Variants in RBFOX1 observed in about 807,000 individuals in gnomAD.
RBFOX1 encodes the protein RNA binding fox-1 homolog 1, also known as RNA binding protein fox-1 homolog 1.
RBFOX1 carries 8 observed loss-of-function variants against 57.7 expected under a neutral mutation model. That is an observed-to-expected ratio of 0.14 (90% CI 0.08 to 0.25). The LOEUF (loss-of-function observed/expected upper bound fraction) is 0.25. Among genes scored for constraint, RBFOX1 ranks in the 10% least tolerant of loss-of-function variants. The pLI, the probability that RBFOX1 is intolerant of heterozygous loss-of-function variation, is 1.00. For synonymous variants in RBFOX1, 326 were observed against 222.4 expected (o/e 1.47, Z -4.15); for missense variants, 611 against 548.5 (o/e 1.11, Z -1.14).
rs549081519 is a variant in RBFOX1 at position 7,677,161 on chromosome 16, C to T, written c.995+323C>T. Among the ~76,000 whole-genome samples the T allele has an allele frequency of 3.2e-4, 14 of 43,976 alleles. No individual in the cohort carries two copies. The East Asian group carries it at 5.0e-3, about 16-fold the overall frequency. 28.8% of individuals were successfully genotyped at this position (43,976 alleles called of 152,430 possible). A position where few individuals can be genotyped will look rare whatever the true frequency, so the allele number is the denominator to read the frequency against. The stretch of plus-strand genomic sequence containing the variant: ...CACACACACACACACACACACACAC[C>T]GTACAACCTTCTTATGGTCTTCCAC... On this transcript the variant is annotated intron_variant, in intron 14 of 15. Coordinates refer to ENST00000550418, the MANE Select transcript of RBFOX1 (RefSeq NM_018723.4).
intron 3 of RBFOX1, among the ~76,000 whole-genome samples, chr16:6,940,302 G>C (rs1237508010): frequency 2.0e-5 from 3 of 152,204 alleles, no homozygotes; most frequent in African/African-American, 4.8e-5. Context: ...GGGCTGCTGT[G>C]AGTTGCTCTG....
intron 2 of RBFOX1, among the ~76,000 whole-genome samples, chr16:6,599,885 C>T (rs1046485130): frequency 6.6e-6 from 1 of 152,180 alleles, no homozygotes; most frequent in Non-Finnish European, 1.5e-5. Context: ...GAACAGCACC[C>T]TGCACATAGT....
intron 4 of RBFOX1, among the ~76,000 whole-genome samples, chr16:7,358,585 A>C (rs781397986): frequency 4.6e-5 from 7 of 151,884 alleles, no homozygotes; most frequent in Admixed American, 6.6e-5. Context: ...CATGCTAGCT[A>C]ATTTTTGTAT....
At chr16:6,726,170 C>T (rs1206053319) in intron 3 of RBFOX1, among the ~76,000 whole-genome samples, 3 of 152,014 alleles carry the variant, frequency 2.0e-5, no homozygotes, top group Admixed American at 6.6e-5. Context: ...AAAAATGGAT[C>T]CTGCGTTTCA....
At chr16:5,748,331 C>T (rs1174908601) in intron 3 of RBFOX1, among the ~76,000 whole-genome samples, 1 of 152,120 alleles carries the variant, frequency 6.6e-6, no homozygotes, top group African/African-American at 2.4e-5. Flanking sequence ...TGATGTGATG[C>T]TGAGAAGAAT....
intron 2 of RBFOX1, among the ~76,000 whole-genome samples, chr16:5,517,841 T>G (rs528563123): frequency 3.8e-5 from 5 of 131,348 alleles, no homozygotes; most frequent in African/African-American, 1.4e-4. Context: ...ATTTTACATA[T>G]ATGTATACAC....
intron 4 of RBFOX1, among the ~76,000 whole-genome samples, chr16:7,204,024 A>G (rs1567694653): frequency 6.6e-6 from 1 of 152,236 alleles, no homozygotes; most frequent in Admixed American, 6.5e-5. Flanking sequence ...ATCTTTAACT[A>G]ACATTTCGAT....
At chr16:6,937,288 C>T (rs1022344464) in intron 3 of RBFOX1, among the ~76,000 whole-genome samples, 1 of 152,148 alleles carries the variant, frequency 6.6e-6, no homozygotes, top group Non-Finnish European at 1.5e-5. Flanking sequence ...AACACTGTTT[C>T]CTTTTTACCT....
chr16:6,056,108 A>G (rs1456909199), intron 1 of RBFOX1, among the ~76,000 whole-genome samples: 1 of 152,176 alleles, frequency 6.6e-6, no homozygotes, highest in Non-Finnish European at 1.5e-5. Context: ...TGATGCCAGT[A>G]TAAACGGCGG....
intron 1 of RBFOX1, among the ~76,000 whole-genome samples, chr16:6,273,005 A>G (rs1400094043): frequency 1.3e-5 from 2 of 152,188 alleles, no homozygotes; most frequent in African/African-American, 4.8e-5. Flanking sequence ...CATGCCTGTA[A>G]TCCCAGCACT....
chr16:7,413,857 G>A (rs545725474), intron 4 of RBFOX1, among the ~76,000 whole-genome samples: 3 of 152,108 alleles, frequency 2.0e-5, no homozygotes, highest in Non-Finnish European at 2.9e-5. Context: ...TGAGGTTGAT[G>A]AGACTCATCA....
intron 1 of RBFOX1, among the ~76,000 whole-genome samples, chr16:6,129,473 A>T (rs183967173): frequency 1.3e-5 from 2 of 152,300 alleles, no homozygotes; most frequent in African/African-American, 4.8e-5. Context: ...ATTCAATCTG[A>T]AGAATACAAA....
chr16:6,712,883 G>GTT (rs61328266), intron 3 of RBFOX1, among the ~76,000 whole-genome samples: 92 of 82,992 alleles, frequency 1.1e-3, no homozygotes, highest in South Asian at 2.5e-3. Flanking sequence ...TCATGGGGGT[G>GTT]TTTTTTTTTT....
intron 2 of RBFOX1, among the ~76,000 whole-genome samples, chr16:6,431,944 T>G (rs2094110768): frequency 6.6e-6 from 1 of 151,244 alleles, no homozygotes; most frequent in Non-Finnish European, 1.5e-5. Context: ...TTTCTTTCTT[T>G]CTTTCTTTCT....
intron 1 of RBFOX1, among the ~76,000 whole-genome samples, chr16:6,131,914 T>C (rs1426183012): frequency 6.6e-6 from 1 of 152,212 alleles, no homozygotes; most frequent in Non-Finnish European, 1.5e-5. Flanking sequence ...CACAAAACAC[T>C]TTGTATGCAC....
intron 3 of RBFOX1, among the ~76,000 whole-genome samples, chr16:6,831,688 T>C (rs1482349162): frequency 6.6e-6 from 1 of 152,214 alleles, no homozygotes; most frequent in Non-Finnish European, 1.5e-5. Context: ...ACCAGTTCTA[T>C]TATTTTTAAC....
At chr16:5,517,350 C>A (rs80254627) in intron 2 of RBFOX1, among the ~76,000 whole-genome samples, 4 of 152,222 alleles carry the variant, frequency 2.6e-5, no homozygotes, top group African/African-American at 9.6e-5. Flanking sequence ...TTATTGTCTT[C>A]TCACTATAGG....
At chr16:5,644,212 C>T (rs2048973766) in intron 3 of RBFOX1, among the ~76,000 whole-genome samples, 1 of 151,730 alleles carries the variant, frequency 6.6e-6, no homozygotes, top group Non-Finnish European at 1.5e-5. Flanking sequence ...GTGTTTTTTT[C>T]CTTTAAAAAA....
intron 4 of RBFOX1, among the ~76,000 whole-genome samples, chr16:7,208,030 T>A (rs1281642315): frequency 6.6e-6 from 1 of 152,178 alleles, no homozygotes; most frequent in Non-Finnish European, 1.5e-5. Context: ...GCGCATGGTA[T>A]CTTCTCTGGA....
Sources: gnomAD v4.1 joint callset for allele counts (sites outside exome capture counted in the v4.1 genomes callset) on GRCh38, gnomAD v4.1.1 for gene constraint, MANE v1.5 for transcripts, NCBI Gene and HGNC (gene_info 2026-07-23, HGNC 2026-07-21) for gene names.